The following FAT1 variants were observed in gnomAD, a reference collection of about 807,000 sequenced individuals.
The protein encoded by FAT1 is FAT atypical cadherin 1.
FAT1 carries 171 observed loss-of-function variants against 329.8 expected under a neutral mutation model. The observed-to-expected ratio is 0.52, with a 90% CI of 0.46 to 0.59. The LOEUF is 0.59. FAT1 is among the 20% of genes least tolerant of loss of function. The probability of loss-of-function intolerance (pLI) is 0.00; values close to 1 mark genes in which losing one functional copy is unlikely to be tolerated. For synonymous variants in FAT1, 2,233 were observed against 2,228.6 expected (o/e 1.00, Z -0.06); for missense variants, 5,672 against 5,774.4 (o/e 0.98, Z 0.57).
chr4:186,597,991 C>G lies in FAT1; in HGVS notation c.12238G>C (p.Gly4080Arg), dbSNP rs765147751. ...DNGGFVCQCR[G>R]LYTGQRCQLS... is the part of the protein sequence containing the mutation. ...ACATACCTCTGACCAGTATATAATC[C>G]TCTACACTGGCAAACAAAGCCTCCG... Residue 4080 changes from glycine to arginine, a missense_variant, in exon 23 of 27, where the codon GGA (glycine) becomes CGA (arginine). By Grantham distance (125) the Gly-to-Arg change is moderately radical (BLOSUM62 -2). Transcript: ENST00000441802. The G allele has an allele frequency of 5.0e-6, 8 of 1,612,472 alleles. No individual in the cohort carries two copies. The highest frequency in any genetic ancestry group is 6.8e-6 in the Non-Finnish European group (8 of 1,179,532).
At chr4:186,671,961 A>G (rs1374873946) in intron 2 of FAT1, among the ~76,000 whole-genome samples, 1 of 152,134 alleles carries the variant, frequency 6.6e-6, no homozygotes, top group Non-Finnish European at 1.5e-5. Context: ...AGATTCTAAA[A>G]TGGCTATTCA....
At chr4:186,712,719 T>C (rs1304394481) in intron 1 of FAT1, among the ~76,000 whole-genome samples, 1 of 147,432 alleles carries the variant, frequency 6.8e-6, no homozygotes, top group Non-Finnish European at 1.5e-5. Context: ...TCTTAGATTC[T>C]TTGGGGAAAC....
In FAT1 at chr4:186,603,431, C is replaced by G. The variant is rs2126428125; in HGVS notation, c.11095G>C (p.Glu3699Gln). 6.2e-7 allele frequency: 1 copy of G among 1,613,964 alleles called. No individual in the cohort carries two copies. Among genetic ancestry groups the G allele is most frequent in the South Asian group, 1.1e-5 (1 of 91,074 alleles). Reference protein sequence around the residue: ...HPHLDVLLFVEKPGSAQISTK... With the variant: ...HPHLDVLLFVQKPGSAQISTK... Reference sequence around the variant, plus strand: ...GAGATCTGAGCACTACCTGGTTTCTCTACAAAAAGTAAGACGTCCAGATGT... The same window carrying G: ...GAGATCTGAGCACTACCTGGTTTCTGTACAAAAAGTAAGACGTCCAGATGT... The change falls in exon 19 of 27, where the codon GAG (glutamate) becomes CAG (glutamine). Residue 3699 changes from glutamate to glutamine, a missense_variant. This residue lies in a region of FAT1 where 1,706 missense variants were observed against 1,859.1 expected (regional missense o/e 0.92). Coordinates refer to ENST00000441802, the MANE Select transcript of FAT1 (RefSeq NM_005245.4).
chr4:186,724,916 G>A (rs950011238), upstream of FAT1, among the ~76,000 whole-genome samples: 3 of 152,234 alleles, frequency 2.0e-5, no homozygotes, highest in African/African-American at 4.8e-5. This position sits in a 1 kb window ranked among gnomAD's most constrained non-coding sequence, Gnocchi z 5.3. Context: ...GGGCAGTCAA[G>A]TGTGAAAGAG....
Position 186,609,255 on chromosome 4 carries a change from G to T in FAT1, c.10134C>A (p.Asn3378Lys). Reference protein sequence around the residue: ...SHIHYSIIDGNQGSSFTIDPV... With the variant: ...SHIHYSIIDGKQGSSFTIDPV... ...GGTCAATTGTGAACGAGCTTCCTTG[G>T]TTGCCATCTATAATTGAGTAGTGGA... is the stretch of plus-strand genomic sequence containing the variant. Residue 3378 changes from asparagine (N) to lysine (K), a missense_variant, in exon 16 of 27, where the codon AAC becomes AAA. Asn to Lys is a moderately conservative substitution (Grantham distance 94, BLOSUM62 0). This residue lies in a region of FAT1 where 1,706 missense variants were observed against 1,859.1 expected (regional missense o/e 0.92). Transcript: ENST00000441802. 1 of 1,614,004 alleles carries T rather than the reference G, an allele frequency of 6.2e-7. No homozygotes were observed.
At chr4:186,676,866 T>G (rs1350819855) in intron 2 of FAT1, among the ~76,000 whole-genome samples, 1 of 152,204 alleles carries the variant, frequency 6.6e-6, no homozygotes, top group Non-Finnish European at 1.5e-5. Context: ...ACCGCAACTA[T>G]TGCTCTCAAA....
Position 186,700,669 on chromosome 4 carries a change from G to C in FAT1, c.3265+5894C>G, listed in dbSNP as rs540275983. On this transcript the variant is annotated intron_variant, in intron 2 of 26. Transcript: ENST00000441802. ...CCGTAGATCATTCTTCAAAGAGTAA[G>C]AGGAGTAAAATGCGGTTCTGGCACT... Among the ~76,000 whole-genome samples, 73 of 152,340 alleles carry C rather than the reference G, an allele frequency of 4.8e-4. 1 individual carries two copies. The highest frequency in any genetic ancestry group is 1.6e-4 in the Non-Finnish European group (11 of 68,040).
intron 11 of FAT1, among the ~76,000 whole-genome samples, chr4:186,615,553 GCCATCAGGCATCCAT>G (rs1472171446): frequency 1.3e-5 from 2 of 151,988 alleles, no homozygotes; most frequent in African/African-American, 2.4e-5. Flanking sequence ...TCTCTGATCT[GCCATCAGGCATCCAT>G]CCACGTCCTG....
At chr4:186,661,183 C>G (rs925037598) in intron 3 of FAT1, among the ~76,000 whole-genome samples, 1 of 152,086 alleles carries the variant, frequency 6.6e-6, no homozygotes, top group African/African-American at 2.4e-5. Flanking sequence ...TCCCAGAACC[C>G]CTGTTAGTCT....
intron 21 of FAT1, 94 bp downstream of exon 21, chr4:186,601,175 C>T: frequency 8.6e-7 from 1 of 1,163,440 alleles, no homozygotes; most frequent in Non-Finnish European, 1.2e-6. Flanking sequence ...ATTTCACTTA[C>T]TTTATTATCT....
At position 186,708,082 on chromosome 4, in the gene FAT1, T is replaced by C. The variant is rs2126693727; in HGVS notation, c.1746A>G (p.Leu582=). 6.2e-7 allele frequency: 1 copy of C among 1,614,000 alleles called. No individual in the cohort carries two copies. Among genetic ancestry groups the C allele is most frequent in the South Asian group, 1.1e-5 (1 of 91,078 alleles). The stretch of plus-strand genomic sequence containing the variant: ...CAGTGGTTATTTGCTCTCCCACGCC[T>C]AGATCTCTGGGAATTGTCCCTTCAC... ...INCEGTIPRD[L]GVGEQITTVS... is the part of the protein sequence containing the mutation. Residue 582 remains leucine (L), a synonymous_variant, in exon 2 of 27, where the codon CTA becomes CTG. Transcript: ENST00000441802.
chr4:186,596,260 A>C lies in FAT1; in HGVS notation c.13000+280T>G, dbSNP rs1738504768. Among the ~76,000 whole-genome samples the C allele has an allele frequency of 6.6e-6, 1 of 152,232 alleles. No individual in the cohort carries two copies. The highest frequency in any genetic ancestry group is 2.4e-5 in the African/African-American group (1 of 41,452). On this transcript the variant is annotated intron_variant, in intron 25 of 26. Transcript: ENST00000441802. The surrounding 1 kb of genome is among the most constrained non-coding windows in gnomAD (Gnocchi z 4.7). ...TTTTTTGACATATTAATAAACTCAA[A>C]AAATTATAGATGAGAACCTTTATCA...
rs1256667506 is a variant in FAT1, at chr4:186,709,582, C to A, written c.246G>T (p.Leu82=). 1 of 1,613,878 alleles carries A rather than the reference C, an allele frequency of 6.2e-7. No individual in the cohort carries two copies. The highest frequency in any genetic ancestry group is 8.5e-7 in the Non-Finnish European group (1 of 1,179,892). ...CGAGAATGTACTCTTCAGCTTTGAACAGGTTTTCACTGTCTCCGGAAACAA... is the reference window on the plus strand; with the variant it reads ...CGAGAATGTACTCTTCAGCTTTGAAAAGGTTTTCACTGTCTCCGGAAACAA... The part of the protein sequence containing the change: ...YKIVSGDSEN[L]FKAEEYILGD... Residue 82 remains leucine, a synonymous_variant, in exon 2 of 27, where the codon CTG becomes CTT. Coordinates refer to ENST00000441802, the MANE Select transcript of FAT1 (RefSeq NM_005245.4).
At chr4:186,609,417 T>C (rs1739290673) in intron 15 of FAT1, 97 bp from the exon 16 acceptor site, 2 of 1,418,922 alleles carry the variant, frequency 1.4e-6, no homozygotes, top group South Asian at 1.4e-5. Flanking sequence ...TGTTTCTTTT[T>C]GTTGTTGTTT....
chr4:186,671,419 CG>C (rs1742720113), intron 2 of FAT1, among the ~76,000 whole-genome samples: 1 of 152,018 alleles, frequency 6.6e-6, no homozygotes, highest in South Asian at 2.1e-4. Flanking sequence ...ATAACTGGGC[CG>C]GGCATGGTGG....
chr4:186,695,457 C>G (rs183633032), intron 2 of FAT1, among the ~76,000 whole-genome samples: 4 of 152,174 alleles, frequency 2.6e-5, no homozygotes, highest in African/African-American at 9.7e-5. Context: ...GTATGGGAGA[C>G]AGGGTGTCTC....
chr4:186,639,800 G>A lies in FAT1; in HGVS notation c.3581-17C>T, dbSNP rs775359684. On this transcript the variant is annotated splice_polypyrimidine_tract_variant and intron_variant, in intron 3 of 26. Transcript: ENST00000441802. ...TGATGAGACCTGTAAAATGATAACA[G>A]TTCATTAATCCTCACAAAATAAGGT... 2 of 1,597,232 alleles carry A rather than the reference G, an allele frequency of 1.3e-6. No homozygotes were observed. Among genetic ancestry groups the A allele is most frequent in the South Asian group, 2.2e-5 (2 of 89,726 alleles).
At position 186,619,592 on chromosome 4, in the gene FAT1, G is replaced by C. The variant is rs1560941009; in HGVS notation, c.6994C>G (p.His2332Asp). The change falls in exon 10 of 27, where the codon CAT (histidine) becomes GAT (aspartate). Residue 2332 changes from histidine (H) to aspartate (D), a missense_variant. By Grantham distance (81) the His-to-Asp change is moderately conservative. This residue lies in a region of FAT1 where 3,966 missense variants were observed against 3,915.2 expected (regional missense o/e 1.01). Coordinates refer to ENST00000441802, the MANE Select transcript of FAT1 (RefSeq NM_005245.4). ...CCAGTGCTGCTGTCTACATGAAAATGATCATGACTCTTGCTGTGATTCCCA... is the reference window on the plus strand; with the variant it reads ...CCAGTGCTGCTGTCTACATGAAAATCATCATGACTCTTGCTGTGATTCCCA... ...MFGNHSKSHD[H>D]FHVDSSTGLI... The C allele has an allele frequency of 6.2e-7, 1 of 1,613,916 alleles. No homozygotes were observed. The highest frequency in any genetic ancestry group is 1.7e-5 in the Admixed American group (1 of 60,028).
rs895753277 is a variant in FAT1 at position 186,707,522 on chromosome 4, A to C, written c.2306T>G (p.Met769Arg). Residue 769 changes from methionine (M) to arginine (R), a missense_variant, in exon 2 of 27, where the codon ATG (methionine) becomes AGG (arginine). Physicochemically the swap from Met to Arg is moderately conservative, Grantham distance 91 (BLOSUM62 -1). Transcript: ENST00000441802. ...TAAAATTTTCAGCATTCCTGTTTCC[A>C]TATCAATCATGAAGCAACTATCCTC... ...GNEDSCFMID[M>R]ETGMLKILSP... 1.9e-6 allele frequency: 3 copies of C among 1,613,888 alleles called. No individual in the cohort carries two copies. Among genetic ancestry groups the C allele is most frequent in the African/African-American group, 1.3e-5 (1 of 74,918 alleles).
Sources: gnomAD v4.1 joint callset for allele counts (sites outside exome capture counted in the v4.1 genomes callset) on GRCh38, gnomAD v4.1.1 for gene constraint, gnomAD v4.1.1 regional missense constraint, Gnocchi (gnomAD v3.1) non-coding constraint, MANE v1.5 for transcripts, NCBI Gene and HGNC (gene_info 2026-07-23, HGNC 2026-07-21) for gene names.